The following RABGAP1 variants were observed in gnomAD, a reference collection of about 807,000 sequenced individuals.
RABGAP1 encodes RAB GTPase activating protein 1, also known as rab GTPase-activating protein 1.
RABGAP1 carries 23 observed loss-of-function variants against 137.6 expected under a neutral mutation model. The observed-to-expected ratio is 0.17, with a 90% CI of 0.12 to 0.24. The LOEUF (loss-of-function observed/expected upper bound fraction) is 0.24. Among genes scored for constraint, RABGAP1 ranks in the 10% least tolerant of loss-of-function variants. The pLI is 1.00. For missense variants in RABGAP1, 906 were observed against 1,275.8 expected, an observed-to-expected ratio of 0.71 and a Z score of 4.42; for synonymous variants, 451 against 450.7, an observed-to-expected ratio of 1.00 and a Z score of -0.01.
chr9:123,088,690 G>GA (rs1412503561), intron 19 of RABGAP1, among the ~76,000 whole-genome samples: 4 of 151,752 alleles, frequency 2.6e-5, no homozygotes, highest in African/African-American at 7.3e-5. Flanking sequence ...TCTCAAAGAG[G>GA]AAAAAAAAGC....
In RABGAP1 at chr9:123,089,751, C is replaced by G. The variant is rs988992985; in HGVS notation, c.2425-7C>G. Reference sequence around the variant, plus strand: ...CTTCTTAATTTACCCTATGATTTATCCTACAGATTAGTCAGAAGAAGTTGA... The same window carrying G: ...CTTCTTAATTTACCCTATGATTTATGCTACAGATTAGTCAGAAGAAGTTGA... On this transcript the variant is annotated splice_polypyrimidine_tract_variant and splice_region_variant and intron_variant, in intron 19 of 25. Transcript: ENST00000373647. 7.5e-6 allele frequency: 12 copies of G among 1,606,070 alleles called. No homozygotes were observed. The highest frequency in any genetic ancestry group is 1.7e-4 in the Middle Eastern group (1 of 6,052).
At chr9:123,034,080 G>A (rs775979300) in intron 13 of RABGAP1, 6 of 163,462 alleles carry the variant, frequency 3.7e-5, no homozygotes, top group South Asian at 1.8e-4. Flanking sequence ...GGGGTGGAGC[G>A]GGAGGGATGA....
At chr9:122,999,245 G>A (rs2131826835) in intron 10 of RABGAP1, among the ~76,000 whole-genome samples, 1 of 151,982 alleles carries the variant, frequency 6.6e-6, no homozygotes, top group East Asian at 1.9e-4. Context: ...GTGCAGTGGC[G>A]CAATCTTGGC....
At chr9:122,957,317 A>G in intron 2 of RABGAP1, 108 bp downstream of exon 2, 1 of 843,406 alleles carries the variant, frequency 1.2e-6, no homozygotes, top group African/African-American at 1.7e-5. Context: ...CATGGAAGTA[A>G]TATACTTCTT....
intron 2 of RABGAP1, among the ~76,000 whole-genome samples, chr9:122,982,778 G>A (rs143918954): frequency 0.013 from 2,012 of 152,222 alleles, 47 homozygotes; most frequent in African/African-American, 0.046. Flanking sequence ...GGCACTGCCT[G>A]TAGTCACAGT....
At chr9:122,964,830 GA>G (rs1466160101) in intron 2 of RABGAP1, among the ~76,000 whole-genome samples, 1 of 151,906 alleles carries the variant, frequency 6.6e-6, no homozygotes, top group African/African-American at 2.4e-5. Context: ...ATCTCTACAA[GA>G]AAAAAATTTT....
In RABGAP1 at chr9:123,007,553, A is replaced by ATTT. The variant is rs34448685; in HGVS notation, c.1375-2781_1375-2779dup. On this transcript the variant is annotated intron_variant, in intron 10 of 25. Coordinates refer to ENST00000373647, the MANE Select transcript of RABGAP1 (RefSeq NM_012197.4). ...CCACCACACCTGGCTAAGTTTTTGT[A>ATTT]TTTTTTTTTTTTTTTTTTTTTTAAG... is the stretch of plus-strand genomic sequence containing the variant. Among the ~76,000 whole-genome samples the ATTT allele has an allele frequency of 8.2e-4, 86 of 104,510 alleles. 1 individual carries two copies. The highest frequency in any genetic ancestry group is 1.5e-3 in the Admixed American group (13 of 8,770). The allele number at this position is 104,510 out of a possible 152,430, so 68.6% of individuals were successfully genotyped here. A position where few individuals can be genotyped will look rare whatever the true frequency, so the allele number is the denominator to read the frequency against.
At chr9:122,988,019 C>T (rs1376704793) in intron 4 of RABGAP1, among the ~76,000 whole-genome samples, 1 of 151,856 alleles carries the variant, frequency 6.6e-6, no homozygotes, top group African/African-American at 2.4e-5. Context: ...GTAATTTTTC[C>T]CCTTAAGTAT....
chr9:122,949,948 T>C (rs368338710), intron 1 of RABGAP1, among the ~76,000 whole-genome samples: 1 of 152,166 alleles, frequency 6.6e-6, no homozygotes, highest in African/African-American at 2.4e-5. Context: ...CTTGAAAGCA[T>C]TAAAATGCAT....
chr9:122,996,150 A>C lies in RABGAP1; in HGVS notation c.1033A>C (p.Arg345=), dbSNP rs1837011436. Residue 345 remains arginine, a splice_region_variant and synonymous_variant, in exon 7 of 26, where the codon AGG becomes CGG. Transcript: ENST00000373647. ...AACTAATAAAGAACTTGCCATTGAA[A>C]GGTAAGCATTTTTAGTAAGTTTAGC... is the stretch of plus-strand genomic sequence containing the variant. The part of the protein sequence containing the change: ...QTTNKELAIE[R]CFGLLLSPGK... 6.2e-7 allele frequency: 1 copy of C among 1,604,926 alleles called. No individual in the cohort carries two copies. The highest frequency in any genetic ancestry group is 1.1e-5 in the South Asian group (1 of 88,764).
chr9:123,048,843 A>G (rs2275510), intron 13 of RABGAP1, among the ~76,000 whole-genome samples: 32,470 of 152,106 alleles, frequency 0.21, 4,764 homozygotes, highest in East Asian at 0.65. Context: ...AGAATCAACA[A>G]TAGCAAACCA....
At chr9:123,054,864 G>T (rs531295339) in intron 13 of RABGAP1, among the ~76,000 whole-genome samples, 1 of 152,248 alleles carries the variant, frequency 6.6e-6, no homozygotes, top group South Asian at 2.1e-4. Context: ...GAACACAGAG[G>T]TAAAGTGCCA....
At chr9:123,024,164 G>A (rs750593093) in intron 13 of RABGAP1, among the ~76,000 whole-genome samples, 7 of 152,230 alleles carry the variant, frequency 4.6e-5, no homozygotes, top group African/African-American at 7.2e-5. Flanking sequence ...TCTTCTTCCC[G>A]TTTTGCTTTT....
intron 1 of RABGAP1, among the ~76,000 whole-genome samples, chr9:122,953,220 AAGTT>A (rs1476253010): frequency 6.6e-6 from 1 of 152,170 alleles, no homozygotes; most frequent in African/African-American, 2.4e-5. Flanking sequence ...TTTGAATTTG[AAGTT>A]AGTTTTTGAA....
intron 1 of RABGAP1, among the ~76,000 whole-genome samples, chr9:122,941,552 C>G (rs576189853): frequency 6.6e-6 from 1 of 152,332 alleles, no homozygotes; most frequent in Admixed American, 6.5e-5. Flanking sequence ...CTCAGGCTGT[C>G]CTGGGCTGCG....
intron 6 of RABGAP1, chr9:122,990,796 A>AAAAT (rs1564384161): frequency 2.5e-4 from 7 of 27,762 alleles, no homozygotes; most frequent in Non-Finnish European, 3.4e-4. Context: ...AAAAAAAAAA[A>AAAAT]ATATATATAT....
At chr9:122,950,686 G>A (rs1834197663) in intron 1 of RABGAP1, among the ~76,000 whole-genome samples, 1 of 151,860 alleles carries the variant, frequency 6.6e-6, no homozygotes, top group South Asian at 2.1e-4. Context: ...TTCTATACCT[G>A]GTGTCTGGCA....
intron 2 of RABGAP1, among the ~76,000 whole-genome samples, chr9:122,973,543 A>AT (rs1835590744): frequency 6.6e-6 from 1 of 152,078 alleles, no homozygotes; most frequent in Non-Finnish European, 1.5e-5. Flanking sequence ...AGATCAGTTA[A>AT]TTTTTTAAAC....
rs1411905387 is a variant in RABGAP1 at position 123,097,822 on chromosome 9, C to T, written c.2710C>T (p.Arg904Trp). 1.2e-6 allele frequency: 2 copies of T among 1,613,260 alleles called. No homozygotes were observed. The highest frequency in any genetic ancestry group is 2.2e-5 in the East Asian group (1 of 44,830). ...KLIDAEEEKR[R>W]LEEESAQLKE... Reference sequence around the variant, plus strand: ...GATTGATGCAGAAGAAGAGAAAAGACGGCTGGAAGAAGAGTCTGCTCAGGT... The same window carrying T: ...GATTGATGCAGAAGAAGAGAAAAGATGGCTGGAAGAAGAGTCTGCTCAGGT... Residue 904 changes from arginine to tryptophan, a missense_variant, in exon 22 of 26, where the codon CGG becomes TGG. Arg to Trp is a moderately radical substitution (Grantham distance 101). Around this residue, in one of 9 missense-constraint regions of RABGAP1, gnomAD observed 193 missense variants for 248.1 expected, o/e 0.78. Coordinates refer to ENST00000373647, the MANE Select transcript of RABGAP1 (RefSeq NM_012197.4).
Sources: allele counts gnomAD v4.1 joint callset (sites outside exome capture counted in the v4.1 genomes callset), GRCh38; gene constraint gnomAD v4.1.1; regional missense constraint gnomAD v4.1.1; transcripts MANE v1.5; gene names NCBI Gene and HGNC (gene_info 2026-07-23, HGNC 2026-07-21).